Variants in DNAAF8 observed in about 807,000 individuals in gnomAD.
DNAAF8 encodes the protein dynein axonemal-associated protein 1.
A neutral mutation model predicts 54.6 loss-of-function variants in DNAAF8; 61 were observed. The observed-to-expected ratio is 1.12, with a 90% confidence interval of 0.91 to 1.38. DNAAF8 has a LOEUF of 1.38. Ranked by LOEUF, DNAAF8 falls within the 40% of genes most tolerant of loss-of-function variation. The pLI, the probability that DNAAF8 is intolerant of heterozygous loss-of-function variation, is 0.00. For missense variants in DNAAF8, 837 were observed against 665.0 expected, an observed-to-expected ratio of 1.26 and a Z score of -2.85; for synonymous variants, 320 against 270.1, an observed-to-expected ratio of 1.18 and a Z score of -1.81.
intron 4 of DNAAF8, among the ~76,000 whole-genome samples, chr16:4,741,272 A>C (rs859304): frequency 0.55 from 80,767 of 147,362 alleles, 22,819 homozygotes; most frequent in East Asian, 0.67. Flanking sequence ...AAACAAAGAA[A>C]GAAAGAATGT....
chr16:4,740,753 C>G, intron 4 of DNAAF8, 94 bp downstream of exon 4: 1 of 1,405,650 alleles, frequency 7.1e-7, no homozygotes, highest in Admixed American at 2.3e-5. Context: ...AGCTTGAGGG[C>G]TGGCCCACTA....
At chr16:4,744,528 T>G (rs1210724072) in intron 5 of DNAAF8, among the ~76,000 whole-genome samples, 1 of 152,032 alleles carries the variant, frequency 6.6e-6, no homozygotes, top group Admixed American at 6.6e-5. Flanking sequence ...AGGATGACCC[T>G]ATTTTTTTTT....
intron 6 of DNAAF8, among the ~76,000 whole-genome samples, chr16:4,745,571 C>G (rs1254787376): frequency 1.3e-5 from 2 of 152,214 alleles, no homozygotes; most frequent in East Asian, 1.9e-4. Flanking sequence ...TTGCTCCGCA[C>G]TTGAGGAATC....
At chr16:4,738,084 G>A (rs1360077644) in intron 3 of DNAAF8, 138 bp downstream of exon 3, 1 of 1,102,694 alleles carries the variant, frequency 9.1e-7, no homozygotes, top group Non-Finnish European at 1.3e-6. Flanking sequence ...ACAACCCAAG[G>A]TATTCAGATG....
chr16:4,740,109 A>C, intron 3 of DNAAF8, 44 bp from the exon 4 acceptor site: 1 of 1,518,720 alleles, frequency 6.6e-7, no homozygotes, highest in South Asian at 1.3e-5. Context: ...TCCCTGAAGC[A>C]TGTTTTTGAG....
chr16:4,744,183 A>G (rs978264077), intron 5 of DNAAF8, among the ~76,000 whole-genome samples: 120 of 152,218 alleles, frequency 7.9e-4, no homozygotes, highest in Middle Eastern at 3.4e-3. Flanking sequence ...CGCCTGCCTC[A>G]GCCTCCCAAA....
chr16:4,743,390 AAAG>A (rs2081976251), intron 5 of DNAAF8: 4 of 425,822 alleles, frequency 9.4e-6, no homozygotes. Context: ...TCCTAGGGAC[AAAG>A]GAGAGGCCTC....
At position 4,747,250 on chromosome 16, in the gene DNAAF8, C is replaced by G. The variant is rs971986542; in HGVS notation, c.1281-93C>G. The G allele has an allele frequency of 7.0e-5, 100 of 1,423,780 alleles. No individual in the cohort carries two copies. In the African/African-American group the frequency reaches 1.2e-3, roughly 17 times the overall value. The allele number at this position is 1,423,780 out of a possible 1,614,324, so 88.2% of individuals were successfully genotyped here. ...TTGCATTCTTGCTCTGAAATGGGAG[C>G]TGGGCTCATCTGCTTTTCTCCTGTT... On this transcript the variant is annotated intron_variant, in intron 8 of 9. Transcript: ENST00000299320.
chr16:4,738,498 G>A lies in DNAAF8; in HGVS notation c.276+552G>A, dbSNP rs77211805. On this transcript the variant is annotated intron_variant, in intron 3 of 9. Coordinates refer to ENST00000299320, the MANE Select transcript of DNAAF8 (RefSeq NM_139170.3). ...CAATGAGCAAATGTGGACTAAGCGT[G>A]CCAACGCAGGCCTGTGTTGCCAGTG... 1.1e-4 allele frequency among the ~76,000 whole-genome samples: 17 copies of A among 152,370 alleles called. No individual in the cohort carries two copies. In the East Asian group the frequency reaches 3.3e-3, roughly 29 times the overall value.
chr16:4,737,203 G>A (rs1322285627), intron 2 of DNAAF8, among the ~76,000 whole-genome samples: 1 of 152,178 alleles, frequency 6.6e-6, no homozygotes, highest in Non-Finnish European at 1.5e-5. Flanking sequence ...TTAAGAGACA[G>A]TATGAGGGTT....
chr16:4,743,254 A>G, intron 5 of DNAAF8, 94 bp downstream of exon 5: 1 of 867,336 alleles, frequency 1.2e-6, no homozygotes, highest in Non-Finnish European at 1.8e-6. Context: ...GGTCACAGAC[A>G]GTCCTGCAGC....
In DNAAF8 at chr16:4,743,261, C is replaced by G. The variant is rs1202814709; in HGVS notation, c.901+101C>G. 4.5e-5 allele frequency: 36 copies of G among 804,040 alleles called. No individual in the cohort carries two copies. In the South Asian group the frequency reaches 6.4e-4, roughly 14 times the overall value. 49.8% of individuals were successfully genotyped at this position (804,040 alleles called of 1,614,324 possible). A position where few individuals can be genotyped will look rare whatever the true frequency, so the allele number is the denominator to read the frequency against. ...TGCAGGCTGGTCACAGACAGTCCTG[C>G]AGCCCACACAAGTCTTCCCTGCTGG... On this transcript the variant is annotated intron_variant, in intron 5 of 9. Coordinates refer to ENST00000299320, the MANE Select transcript of DNAAF8 (RefSeq NM_139170.3).
In DNAAF8 at chr16:4,736,265, G is replaced by A. The variant is rs115301789; in HGVS notation, c.-51-199G>A. Among the ~76,000 whole-genome samples the A allele has an allele frequency of 7.7e-3, 1,088 of 141,708 alleles. 17 individuals are homozygous for A. Among genetic ancestry groups the A allele is most frequent in the African/African-American group, 0.027 (1,025 of 38,500 alleles). 93.0% of individuals were successfully genotyped at this position (141,708 alleles called of 152,430 possible). Reference sequence around the variant, plus strand: ...CATTATATACCTGCAGGCTCCACATGTGTGCATGAGTGGGAACACACACAC... The same window carrying A: ...CATTATATACCTGCAGGCTCCACATATGTGCATGAGTGGGAACACACACAC... On this transcript the variant is annotated intron_variant, in intron 1 of 9. Coordinates refer to ENST00000299320, the MANE Select transcript of DNAAF8 (RefSeq NM_139170.3).
In DNAAF8 at chr16:4,747,020, G is replaced by A; in HGVS notation, c.1275G>A (p.Gly425=). 1 of 1,531,190 alleles carries A rather than the reference G, an allele frequency of 6.5e-7. No individual in the cohort carries two copies. 94.9% of individuals were successfully genotyped at this position (1,531,190 alleles called of 1,614,324 possible). A position where few individuals can be genotyped will look rare whatever the true frequency, so the allele number is the denominator to read the frequency against. ...DAEGASPSSL[G]LRTCTGKSQL... is the part of the protein sequence containing the mutation. Reference sequence around the variant, plus strand: ...AGGGGGCATCTCCTTCCTCCCTGGGGCTACGGTAACCACCCAGGGGCCTCT... The same window carrying A: ...AGGGGGCATCTCCTTCCTCCCTGGGACTACGGTAACCACCCAGGGGCCTCT... Residue 425 remains glycine, a synonymous_variant, in exon 8 of 10, where the codon GGG becomes GGA. Coordinates refer to ENST00000299320, the MANE Select transcript of DNAAF8 (RefSeq NM_139170.3).
intron 4 of DNAAF8, 119 bp from the exon 5 acceptor site, chr16:4,742,924 C>CTGATTTCTA: frequency 1.2e-6 from 1 of 853,934 alleles, no homozygotes. Context: ...CACTGAATTC[C>CTGATTTCTA]TGATTTCTAC....
At chr16:4,736,935 T>C (rs976101891) in intron 2 of DNAAF8, among the ~76,000 whole-genome samples, 2 of 152,084 alleles carry the variant, frequency 1.3e-5, no homozygotes, top group African/African-American at 4.8e-5. Flanking sequence ...GGAACCCAGG[T>C]CAATTTGATG....
chr16:4,742,944 C>G (rs771433907), intron 4 of DNAAF8, 99 bp from the exon 5 acceptor site: 3 of 957,136 alleles, frequency 3.1e-6, no homozygotes, highest in Non-Finnish European at 5.0e-6. Flanking sequence ...CCCCCAACAT[C>G]CTGTGACCAT....
chr16:4,737,155 T>G (rs2081909460), intron 2 of DNAAF8, among the ~76,000 whole-genome samples: 2 of 152,158 alleles, frequency 1.3e-5, no homozygotes, highest in Admixed American at 6.5e-5. Context: ...AAGATGCTCC[T>G]GGCGGGGGCT....
chr16:4,744,764 A>G, intron 5 of DNAAF8, 106 bp from the exon 6 acceptor site: 1 of 1,366,646 alleles, frequency 7.3e-7, no homozygotes, highest in Non-Finnish European at 1.0e-6. Flanking sequence ...GAGGAGCCTG[A>G]GGTCCATTCA....
Sources: allele counts gnomAD v4.1 joint callset (sites outside exome capture counted in the v4.1 genomes callset), GRCh38; gene constraint gnomAD v4.1.1; transcripts MANE v1.5; gene names NCBI Gene and HGNC (gene_info 2026-07-23, HGNC 2026-07-21).